Variants in PIBF1 observed in about 807,000 individuals in gnomAD.
PIBF1 encodes progesterone immunomodulatory binding factor 1.
Under a neutral mutation model 112.5 loss-of-function variants are expected in PIBF1, and 90 were observed. That is an observed-to-expected ratio of 0.80 (90% CI 0.67 to 0.95). The LOEUF is 0.95. Ranked by LOEUF, PIBF1 falls within the 40% of genes least tolerant of loss-of-function variation. PIBF1 has a pLI of 0.00. For missense variants in PIBF1, 915 were observed against 852.3 expected (o/e 1.07, Z -0.92); for synonymous variants, 301 against 288.6 (o/e 1.04, Z -0.44).
intron 2 of PIBF1, among the ~76,000 whole-genome samples, chr13:72,791,910 AGGCGTGAGCCACC>A (rs2034950862): frequency 6.6e-6 from 1 of 152,034 alleles, no homozygotes; most frequent in Non-Finnish European, 1.5e-5. Context: ...CTGGGATTAC[AGGCGTGAGCCACC>A]GCACCCAGCT....
At chr13:72,936,086 G>C (rs2041865864) in intron 14 of PIBF1, among the ~76,000 whole-genome samples, 1 of 151,850 alleles carries the variant, frequency 6.6e-6, no homozygotes, top group African/African-American at 2.4e-5. Context: ...GGAGCGCAGT[G>C]GTGTAATCAT....
intron 10 of PIBF1, among the ~76,000 whole-genome samples, chr13:72,870,252 C>G (rs1594092411): frequency 6.6e-6 from 1 of 152,286 alleles, no homozygotes; most frequent in East Asian, 1.9e-4. Context: ...ATAGATGAAC[C>G]TAACATTCCC....
intron 10 of PIBF1, among the ~76,000 whole-genome samples, chr13:72,881,740 A>G (rs996271709): frequency 5.3e-5 from 8 of 151,882 alleles, no homozygotes; most frequent in Non-Finnish European, 2.9e-5. Flanking sequence ...AAAGTAAAAG[A>G]TCTCTACAAT....
At chr13:72,814,079 ATG>A (rs1173623631) in intron 5 of PIBF1, among the ~76,000 whole-genome samples, 1 of 152,160 alleles carries the variant, frequency 6.6e-6, no homozygotes, top group Non-Finnish European at 1.5e-5. Flanking sequence ...GACTCTTATT[ATG>A]ACCTTCAAAC....
At chr13:72,832,919 T>C (rs977632373) in intron 8 of PIBF1, among the ~76,000 whole-genome samples, 3 of 152,236 alleles carry the variant, frequency 2.0e-5, no homozygotes, top group African/African-American at 7.2e-5. Context: ...AAACGTATTT[T>C]TGTCTTTTCA....
intron 14 of PIBF1, among the ~76,000 whole-genome samples, chr13:72,936,490 AG>A (rs2041874380): frequency 6.6e-6 from 1 of 152,190 alleles, no homozygotes; most frequent in Non-Finnish European, 1.5e-5. Flanking sequence ...TCATAGTTTT[AG>A]GTCTGTGATT....
At chr13:72,844,904 G>A (rs1219007002) in intron 9 of PIBF1, among the ~76,000 whole-genome samples, 1 of 149,208 alleles carries the variant, frequency 6.7e-6, no homozygotes, top group African/African-American at 2.5e-5. Flanking sequence ...TTACAGGTGT[G>A]AGCCACCATT....
chr13:72,940,949 C>CA (rs141282858), intron 14 of PIBF1, among the ~76,000 whole-genome samples: 2,128 of 152,286 alleles, frequency 0.014, 67 homozygotes, highest in African/African-American at 0.049. Context: ...TGTAAATTGT[C>CA]AGAGTTCTGT....
At chr13:72,885,504 A>G (rs1305170112) in intron 10 of PIBF1, among the ~76,000 whole-genome samples, 2 of 152,150 alleles carry the variant, frequency 1.3e-5, no homozygotes, top group Non-Finnish European at 1.5e-5. Flanking sequence ...AAGAGTTAGT[A>G]ATATTCTGGA....
intron 5 of PIBF1, among the ~76,000 whole-genome samples, chr13:72,808,702 C>G (rs1018741979): frequency 2.6e-5 from 4 of 152,118 alleles, no homozygotes; most frequent in African/African-American, 9.7e-5. Flanking sequence ...TCAGTTTCCC[C>G]TCTCTGGCTA....
At chr13:72,944,077 T>C (rs1476049320) in intron 14 of PIBF1, among the ~76,000 whole-genome samples, 2 of 152,178 alleles carry the variant, frequency 1.3e-5, no homozygotes, top group Non-Finnish European at 2.9e-5. Flanking sequence ...TAAGTATTTT[T>C]CTTGTAAATC....
intron 13 of PIBF1, among the ~76,000 whole-genome samples, chr13:72,927,517 A>C (rs2041526120): frequency 6.6e-6 from 1 of 151,614 alleles, no homozygotes; most frequent in African/African-American, 2.4e-5. Flanking sequence ...ATAAAAATTA[A>C]AATAAAAAAA....
intron 13 of PIBF1, among the ~76,000 whole-genome samples, chr13:72,929,265 G>T (rs1453098746): frequency 6.6e-6 from 1 of 152,118 alleles, no homozygotes; most frequent in African/African-American, 2.4e-5. Context: ...ACGTATAATG[G>T]AATCAACGGA....
chr13:72,934,633 C>G (rs2041809899), intron 14 of PIBF1, among the ~76,000 whole-genome samples: 1 of 152,136 alleles, frequency 6.6e-6, no homozygotes, highest in Admixed American at 6.5e-5. Context: ...AAACACTATT[C>G]AGATTATGTC....
intron 9 of PIBF1, among the ~76,000 whole-genome samples, chr13:72,836,576 CAA>C (rs1207425838): frequency 6.6e-6 from 1 of 152,062 alleles, no homozygotes; most frequent in African/African-American, 2.4e-5. Context: ...AGTAAATTAA[CAA>C]AGATATTTTT....
At chr13:72,972,766 C>T (rs1046670157) in intron 15 of PIBF1, among the ~76,000 whole-genome samples, 11 of 152,144 alleles carry the variant, frequency 7.2e-5, no homozygotes, top group Non-Finnish European at 1.5e-4. Context: ...ATAATTGCCA[C>T]CATGCCAGGC....
At chr13:72,996,073 CA>C (rs1303404430) in intron 16 of PIBF1, among the ~76,000 whole-genome samples, 31 of 27,382 alleles carry the variant, frequency 1.1e-3, no homozygotes, top group African/African-American at 1.5e-3. Flanking sequence ...TTCTTCATAA[CA>C]AAAAAAAAAA....
At chr13:72,792,994 GAAAT>G (rs1401135689) in intron 3 of PIBF1, among the ~76,000 whole-genome samples, 2 of 152,008 alleles carry the variant, frequency 1.3e-5, no homozygotes, top group South Asian at 2.1e-4. Flanking sequence ...TACAAACAAT[GAAAT>G]AAATTCTTTG....
chr13:72,869,483 GA>G (rs949700073), intron 10 of PIBF1, among the ~76,000 whole-genome samples: 1 of 129,212 alleles, frequency 7.7e-6, no homozygotes, highest in African/African-American at 2.9e-5. Flanking sequence ...GGGGGAGGGG[GA>G]AGGGATAGCA....
Sources: gnomAD v4.1 joint callset for allele counts (sites outside exome capture counted in the v4.1 genomes callset) on GRCh38, gnomAD v4.1.1 for gene constraint, MANE v1.5 for transcripts, NCBI Gene and HGNC (gene_info 2026-07-23, HGNC 2026-07-21) for gene names.